CACHD1: variants seen among roughly 807,000 people sequenced by gnomAD.
CACHD1 encodes cache domain containing 1.
In CACHD1, 71 loss-of-function variants were observed where a neutral mutation model predicts 138.7. That is an observed-to-expected ratio of 0.51 (90% CI 0.42 to 0.62). The LOEUF (loss-of-function observed/expected upper bound fraction) is 0.62. Among genes scored for constraint, CACHD1 ranks in the 20% least tolerant of loss-of-function variants. CACHD1 has a pLI of 0.00. For missense variants in CACHD1, 1,389 were observed against 1,625.3 expected, an observed-to-expected ratio of 0.85 and a Z score of 2.50; for synonymous variants, 578 against 591.5, an observed-to-expected ratio of 0.98 and a Z score of 0.33.
intron 9 of CACHD1, among the ~76,000 whole-genome samples, chr1:64,651,148 GTTAT>G (rs957515202): frequency 2.0e-5 from 3 of 151,860 alleles, no homozygotes; most frequent in African/African-American, 7.3e-5. Flanking sequence ...TTTTGAAAAG[GTTAT>G]TTTTTATAAA....
intron 2 of CACHD1, among the ~76,000 whole-genome samples, chr1:64,552,206 A>T (rs990554729): frequency 1.3e-5 from 2 of 151,960 alleles, no homozygotes; most frequent in Non-Finnish European, 2.9e-5. Flanking sequence ...AGCTAGGAAC[A>T]AGTTTAGAAG....
chr1:64,529,746 A>G (rs911500288), intron 1 of CACHD1, among the ~76,000 whole-genome samples: 25 of 152,184 alleles, frequency 1.6e-4, no homozygotes, highest in African/African-American at 6.0e-4. Context: ...TGGTCCTTGT[A>G]TCCATATTTG....
intron 3 of CACHD1, among the ~76,000 whole-genome samples, chr1:64,599,126 C>T (rs1346893503): frequency 6.6e-6 from 1 of 151,998 alleles, no homozygotes; most frequent in Middle Eastern, 3.4e-3. Flanking sequence ...ACTAAATCTG[C>T]CAGTACCTTA....
intron 1 of CACHD1, among the ~76,000 whole-genome samples, chr1:64,520,600 T>A (rs990395443): frequency 6.6e-6 from 1 of 152,248 alleles, no homozygotes; most frequent in African/African-American, 2.4e-5. Flanking sequence ...TAATTAGGCA[T>A]CCTAACATTG....
At chr1:64,637,816 C>T (rs1200057122) in intron 7 of CACHD1, among the ~76,000 whole-genome samples, 1 of 152,158 alleles carries the variant, frequency 6.6e-6, no homozygotes, top group Non-Finnish European at 1.5e-5. Context: ...GAAAAGACTT[C>T]AGGAATGAGC....
intron 15 of CACHD1, among the ~76,000 whole-genome samples, 181 bp from the exon 16 acceptor site, chr1:64,665,876 T>C (rs556853482): frequency 1.9e-4 from 29 of 152,072 alleles, no homozygotes; most frequent in Non-Finnish European, 3.7e-4. Context: ...TGATGGCGGG[T>C]GCCTGTAGTC....
chr1:64,597,691 A>G (rs1052165132), intron 3 of CACHD1, among the ~76,000 whole-genome samples: 17 of 151,928 alleles, frequency 1.1e-4, no homozygotes, highest in African/African-American at 4.1e-4. Context: ...TTCTATTGTC[A>G]TTACTAACTT....
Position 64,663,679 on chromosome 1 carries a change from T to C in CACHD1, c.1952-16T>C, listed in dbSNP as rs779009919. ...TCTCCGCATTCTCAGGCCTGCTTTG[T>C]TTGCTTCTCTTTCAGAAAGTCCCAC... On this transcript the variant is annotated splice_polypyrimidine_tract_variant and intron_variant, in intron 13 of 26. Coordinates refer to ENST00000651257, the MANE Select transcript of CACHD1 (RefSeq NM_020925.4). 5.6e-6 allele frequency: 9 copies of C among 1,613,908 alleles called. No individual in the cohort carries two copies. The highest frequency in any genetic ancestry group is 8.5e-7 in the Non-Finnish European group (1 of 1,179,970).
At chr1:64,689,904 T>C (rs956301426) in intron 26 of CACHD1, among the ~76,000 whole-genome samples, 1 of 152,222 alleles carries the variant, frequency 6.6e-6, no homozygotes, top group Non-Finnish European at 1.5e-5. Context: ...TATACCTCAG[T>C]TATAGCACTT....
At chr1:64,584,159 C>T (rs1035914831) in intron 3 of CACHD1, among the ~76,000 whole-genome samples, 2 of 152,038 alleles carry the variant, frequency 1.3e-5, no homozygotes, top group African/African-American at 4.8e-5. Flanking sequence ...CATTTTTCTC[C>T]TAGGGAAAGA....
Position 64,692,405 on chromosome 1 carries a change from T to G in CACHD1, c.*844T>G, listed in dbSNP as rs1241902288. On this transcript the variant is annotated 3_prime_UTR_variant, in exon 27 of 27. Coordinates refer to ENST00000651257, the MANE Select transcript of CACHD1 (RefSeq NM_020925.4). The stretch of plus-strand genomic sequence containing the variant: ...GAGGGGCAGAGGAATTTAAGAGGTT[T>G]TAAAAGAAATGTTATGTTTCTTATG... 1 of 152,180 alleles carries G rather than the reference T, an allele frequency of 6.6e-6. No homozygotes were observed. Among genetic ancestry groups the G allele is most frequent in the Non-Finnish European group, 1.5e-5 (1 of 68,034 alleles). 9.4% of individuals were successfully genotyped at this position (152,180 alleles called of 1,614,324 possible). A position where few individuals can be genotyped will look rare whatever the true frequency, so the allele number is the denominator to read the frequency against.
intron 1 of CACHD1, among the ~76,000 whole-genome samples, chr1:64,498,908 G>A (rs1270209734): frequency 6.6e-6 from 1 of 152,310 alleles, no homozygotes; most frequent in Non-Finnish European, 1.5e-5. Context: ...TTTGCAACTT[G>A]CAGAATGGAG....
At position 64,693,023 on chromosome 1, in the gene CACHD1, C is replaced by A. The variant is rs1232461180; in HGVS notation, c.*1462C>A. 1 of 152,592 alleles carries A rather than the reference C, an allele frequency of 6.6e-6. No homozygotes were observed. The highest frequency in any genetic ancestry group is 1.5e-5 in the Non-Finnish European group (1 of 68,038). The allele number at this position is 152,592 out of a possible 1,614,324, so 9.5% of individuals were successfully genotyped here. A position where few individuals can be genotyped will look rare whatever the true frequency, so the allele number is the denominator to read the frequency against. On this transcript the variant is annotated 3_prime_UTR_variant, in exon 27 of 27. Transcript: ENST00000651257. ...CCCCTTCATACTGTGTATAAAATTGCAATCTAGTGAAATAAACCGTATGCA... is the reference window on the plus strand; with the variant it reads ...CCCCTTCATACTGTGTATAAAATTGAAATCTAGTGAAATAAACCGTATGCA...
intron 3 of CACHD1, among the ~76,000 whole-genome samples, chr1:64,596,346 A>G (rs897394735): frequency 4.6e-5 from 7 of 152,228 alleles, no homozygotes; most frequent in Admixed American, 6.5e-5. Flanking sequence ...TTTGGAGAGC[A>G]GATGCTTCCC....
rs1486452987 is a variant in CACHD1 at position 64,673,386 on chromosome 1, C to G, written c.2649C>G (p.Asn883Lys). The change falls in exon 19 of 27, where the codon AAC (asparagine) becomes AAG (lysine). Residue 883 changes from asparagine (N) to lysine (K), a missense_variant. This residue lies in a region of CACHD1 where 1,000 missense variants were observed against 1,114.7 expected (regional missense o/e 0.90). Coordinates refer to ENST00000651257, the MANE Select transcript of CACHD1 (RefSeq NM_020925.4). ...LVANDILNHP[N>K]FVKKNLCNSF... is the part of the protein sequence containing the mutation. Reference sequence around the variant, plus strand: ...CAAATGATATCCTCAACCACCCCAACTTTGTAAAGAAAAACCTGTGCAACA... The same window carrying G: ...CAAATGATATCCTCAACCACCCCAAGTTTGTAAAGAAAAACCTGTGCAACA... 1 of 1,614,048 alleles carries G rather than the reference C, an allele frequency of 6.2e-7. No individual in the cohort carries two copies. The highest frequency in any genetic ancestry group is 2.2e-5 in the East Asian group (1 of 44,890).
chr1:64,590,659 G>GGTTTT (rs5774709), intron 3 of CACHD1, among the ~76,000 whole-genome samples: 3,416 of 152,020 alleles, frequency 0.022, 94 homozygotes, highest in African/African-American at 0.064. Flanking sequence ...TCAAGTCAAG[G>GGTTTT]GTTTTGTTTT....
At chr1:64,669,787 G>T (rs1365694790) in intron 16 of CACHD1, among the ~76,000 whole-genome samples, 1 of 152,068 alleles carries the variant, frequency 6.6e-6, no homozygotes, top group Admixed American at 6.6e-5. Context: ...ATTTATGTAG[G>T]CAATATACGT....
intron 3 of CACHD1, among the ~76,000 whole-genome samples, chr1:64,594,611 T>C (rs560517115): frequency 4.0e-4 from 61 of 152,226 alleles, no homozygotes; most frequent in Admixed American, 1.4e-3. Flanking sequence ...AGAATCTAGC[T>C]TCCTGCGTTT....
At chr1:64,642,392 C>T (rs1648747501) in intron 8 of CACHD1, among the ~76,000 whole-genome samples, 3 of 152,194 alleles carry the variant, frequency 2.0e-5, no homozygotes, top group Admixed American at 2.0e-4. Flanking sequence ...GAATCACCAC[C>T]TGAAGCCTCT....
Sources: allele counts gnomAD v4.1 joint callset (sites outside exome capture counted in the v4.1 genomes callset), GRCh38; gene constraint gnomAD v4.1.1; regional missense constraint gnomAD v4.1.1; transcripts MANE v1.5; gene names NCBI Gene and HGNC (gene_info 2026-07-23, HGNC 2026-07-21).